The following NEDD4 variants were observed in gnomAD, a reference collection of about 807,000 sequenced individuals.
NEDD4 encodes the protein NEDD4 E3 ubiquitin protein ligase, also known as E3 ubiquitin-protein ligase NEDD4.
A neutral mutation model predicts 144.9 loss-of-function variants in NEDD4; 99 were observed. The observed-to-expected ratio is 0.68, with a 90% CI of 0.58 to 0.81. NEDD4 has a LOEUF of 0.81. Among genes scored for constraint, NEDD4 ranks in the 30% least tolerant of loss-of-function variants. The pLI, the probability that NEDD4 is intolerant of heterozygous loss-of-function variation, is 0.00. For synonymous variants in NEDD4, 318 were observed against 350.6 expected (o/e 0.91, Z 1.04); for missense variants, 985 against 1,065.9 (o/e 0.92, Z 1.06).
chr15:55,901,823 A>C (rs1288674739), intron 5 of NEDD4, among the ~76,000 whole-genome samples: 2 of 152,178 alleles, frequency 1.3e-5, no homozygotes, highest in African/African-American at 4.8e-5. Context: ...TATAAGGTAG[A>C]TAATGAGAGC....
At chr15:55,977,083 A>T (rs1035413678) in intron 1 of NEDD4, among the ~76,000 whole-genome samples, 2 of 152,206 alleles carry the variant, frequency 1.3e-5, no homozygotes, top group Admixed American at 6.5e-5. Flanking sequence ...GAAAATATGC[A>T]TATCATAGAT....
rs577005699 is a variant in NEDD4 at position 55,946,215 on chromosome 15, A to T, written c.237+5161T>A. ...ATTAAAAGACACAGACTGGCGAATT[A>T]GATAAAGAGTCAAGACCCATCAGTG... On this transcript the variant is annotated intron_variant, in intron 4 of 28. Coordinates refer to ENST00000435532, the MANE Select transcript of NEDD4 (RefSeq NM_006154.4). Among the ~76,000 whole-genome samples the T allele has an allele frequency of 5.9e-5, 9 of 152,326 alleles. No homozygotes were observed. The South Asian group carries it at 1.9e-3, about 32-fold the overall frequency.
rs747043017 is a variant in NEDD4 at position 55,827,737 on chromosome 15, A to C, written c.*2160T>G. On this transcript the variant is annotated 3_prime_UTR_variant, in exon 29 of 29. Coordinates refer to ENST00000435532, the MANE Select transcript of NEDD4 (RefSeq NM_006154.4). ...ACACATGTGTATCCATATTATTTAT[A>C]TATTTAATATCAGAAATGTTCCTAC... 2 of 152,142 alleles carry C rather than the reference A, an allele frequency of 1.3e-5. No individual in the cohort carries two copies. The highest frequency in any genetic ancestry group is 2.9e-5 in the Non-Finnish European group (2 of 68,028). 9.4% of individuals were successfully genotyped at this position (152,142 alleles called of 1,614,324 possible).
intron 4 of NEDD4, among the ~76,000 whole-genome samples, chr15:55,937,264 C>G (rs1036758426): frequency 6.6e-6 from 1 of 152,134 alleles, no homozygotes; most frequent in African/African-American, 2.4e-5. Context: ...CAAGTTTTTG[C>G]TGTAATATGT....
chr15:55,989,418 T>C (rs2037952519), intron 1 of NEDD4, among the ~76,000 whole-genome samples: 1 of 152,238 alleles, frequency 6.6e-6, no homozygotes. Context: ...CAGCTGCTGC[T>C]TAACCTATGC....
intron 11 of NEDD4, 77 bp from the exon 12 acceptor site, chr15:55,856,273 G>A: frequency 7.9e-7 from 1 of 1,266,540 alleles, no homozygotes; most frequent in South Asian, 1.2e-5. Flanking sequence ...AGGTAGTGAG[G>A]GTAAATATGA....
intron 2 of NEDD4, among the ~76,000 whole-genome samples, chr15:55,954,857 T>C (rs1010647261): frequency 2.0e-5 from 3 of 152,152 alleles, no homozygotes; most frequent in African/African-American, 7.2e-5. Context: ...TTTTTAATTA[T>C]ATTATTACTG....
rs111693500 is a variant in NEDD4 at position 55,830,474 on chromosome 15, T to G, written c.2600+40A>C. 2.2e-5 allele frequency: 35 copies of G among 1,565,068 alleles called. No individual in the cohort carries two copies. The African/African-American group carries it at 2.8e-4, about 13-fold the overall frequency. The stretch of plus-strand genomic sequence containing the variant: ...CTAGACTAACAGAGGAATCTCACTC[T>G]CTGAGGCTTTGTTCTATCAAGGTCC... On this transcript the variant is annotated intron_variant, in intron 28 of 28. Coordinates refer to ENST00000435532, the MANE Select transcript of NEDD4 (RefSeq NM_006154.4).
chr15:55,831,807 T>G (rs982454479), intron 27 of NEDD4, among the ~76,000 whole-genome samples: 4 of 152,198 alleles, frequency 2.6e-5, no homozygotes, highest in Admixed American at 2.6e-4. Flanking sequence ...TCCCGACTTG[T>G]AGTCCCCAGG....
At chr15:55,890,252 G>C (rs764889374) in intron 5 of NEDD4, among the ~76,000 whole-genome samples, 3 of 152,110 alleles carry the variant, frequency 2.0e-5, no homozygotes, top group Non-Finnish European at 2.9e-5. Context: ...ACAATTCAAT[G>C]TTTTTTAGTA....
At chr15:55,953,703 A>G (rs893334124) in intron 2 of NEDD4, among the ~76,000 whole-genome samples, 1 of 151,186 alleles carries the variant, frequency 6.6e-6, no homozygotes, top group East Asian at 2.0e-4. Flanking sequence ...TGGCCTCACA[A>G]AGTGCTGGGA....
At chr15:55,988,554 C>G (rs112396167) in intron 1 of NEDD4, among the ~76,000 whole-genome samples, 3 of 148,354 alleles carry the variant, frequency 2.0e-5, no homozygotes, top group African/African-American at 5.0e-5. Flanking sequence ...CAAAGACATG[C>G]CACGTAAAAG....
chr15:55,985,959 C>T (rs2037883971), intron 1 of NEDD4, among the ~76,000 whole-genome samples: 1 of 152,170 alleles, frequency 6.6e-6, no homozygotes, highest in East Asian at 1.9e-4. Context: ...AAGCCTGGAA[C>T]AACTTCTGCC....
intron 5 of NEDD4, among the ~76,000 whole-genome samples, chr15:55,911,679 G>A (rs965224469): frequency 1.3e-5 from 2 of 151,842 alleles, no homozygotes; most frequent in African/African-American, 2.4e-5. Context: ...ACAGGCGCGC[G>A]CCACCATGCC....
At chr15:55,852,565 G>A in intron 12 of NEDD4, 22 bp from the exon 13 acceptor site, 3 of 1,609,662 alleles carry the variant, frequency 1.9e-6, no homozygotes, top group Non-Finnish European at 2.5e-6. Context: ...AATAACAGAA[G>A]AATTAAATAC....
In NEDD4 at chr15:55,827,161, T is replaced by C. The variant is rs1271743081; in HGVS notation, c.*2736A>G. The C allele has an allele frequency of 6.6e-6, 1 of 152,234 alleles. No homozygotes were observed. Among genetic ancestry groups the C allele is most frequent in the African/African-American group, 2.4e-5 (1 of 41,452 alleles). 9.4% of individuals were successfully genotyped at this position (152,234 alleles called of 1,614,324 possible). On this transcript the variant is annotated 3_prime_UTR_variant, in exon 29 of 29. Coordinates refer to ENST00000435532, the MANE Select transcript of NEDD4 (RefSeq NM_006154.4). ...AAACCCAAAACAAACACCATTTAAATTTGAGTTCTGATGAAATGCATTTGT... is the reference window on the plus strand; with the variant it reads ...AAACCCAAAACAAACACCATTTAAACTTGAGTTCTGATGAAATGCATTTGT...
intron 1 of NEDD4, among the ~76,000 whole-genome samples, chr15:55,975,684 A>G (rs2037687244): frequency 6.6e-6 from 1 of 152,210 alleles, no homozygotes; most frequent in Non-Finnish European, 1.5e-5. Context: ...AACAATCAAT[A>G]TTGTTAAAAT....
At chr15:55,954,617 C>T (rs1213423050) in intron 2 of NEDD4, among the ~76,000 whole-genome samples, 1 of 152,108 alleles carries the variant, frequency 6.6e-6, no homozygotes, top group Non-Finnish European at 1.5e-5. Flanking sequence ...CTCCGCCTCC[C>T]AGGTTCAAGT....
intron 7 of NEDD4, among the ~76,000 whole-genome samples, chr15:55,871,957 C>G (rs1433646819): frequency 6.6e-6 from 1 of 152,032 alleles, no homozygotes; most frequent in African/African-American, 2.4e-5. Context: ...TATAAGCATG[C>G]TATTTGGGTT....
Sources: allele counts gnomAD v4.1 joint callset (sites outside exome capture counted in the v4.1 genomes callset), GRCh38; gene constraint gnomAD v4.1.1; transcripts MANE v1.5; gene names NCBI Gene and HGNC (gene_info 2026-07-23, HGNC 2026-07-21).